Variants in UNC13A observed in about 807,000 individuals in gnomAD.
UNC13A encodes unc-13 homolog A.
Under a neutral mutation model 219.7 loss-of-function variants are expected in UNC13A, and 61 were observed. The observed-to-expected ratio is 0.28, with a 90% CI of 0.23 to 0.34. The LOEUF (loss-of-function observed/expected upper bound fraction) is 0.34. Among genes scored for constraint, UNC13A ranks in the 10% least tolerant of loss-of-function variants. The pLI is 1.00. For synonymous variants in UNC13A, 920 were observed against 884.6 expected (o/e 1.04, Z -0.71); for missense variants, 1,476 against 2,270.3 (o/e 0.65, Z 7.11).
At chr19:17,669,813 GTCCTTCCT>G (rs1160784311) in intron 4 of UNC13A, 137 bp from the exon 5 acceptor site, 1 of 1,037,494 alleles carries the variant, frequency 9.6e-7, no homozygotes, top group Non-Finnish European at 1.3e-6. Flanking sequence ...CTTTCCTTCC[GTCCTTCCT>G]TCCTTCCCTT....
Position 17,647,365 on chromosome 19 carries a change from G to C in UNC13A, c.1944C>G (p.Ile648Met). The change falls in exon 17 of 44, where the codon ATC becomes ATG. Residue 648 changes from isoleucine to methionine, a missense_variant. Physicochemically the swap from Ile to Met is conservative, Grantham distance 10. Around this residue, in one of 14 missense-constraint regions of UNC13A, gnomAD observed 34 missense variants for 38.7 expected, o/e 0.88. Coordinates refer to ENST00000519716, the MANE Select transcript of UNC13A (RefSeq NM_001080421.3). ...KPEIFELIQE[I>M]FAVTKTAHTQ... ...TGTGCGCCGTCTTGGTCACCGCGAA[G>C]ATCTCCTGGATGAGCTCGAAGATCT... 1 of 1,613,668 alleles carries C rather than the reference G, an allele frequency of 6.2e-7. No individual in the cohort carries two copies.
intron 8 of UNC13A, among the ~76,000 whole-genome samples, chr19:17,663,239 C>T (rs1485687239): frequency 6.6e-6 from 1 of 151,920 alleles, no homozygotes; most frequent in Non-Finnish European, 1.5e-5. Flanking sequence ...GTCACAGTGC[C>T]CAGCTGGAGA....
At chr19:17,611,921 T>G (rs1323279181) in intron 41 of UNC13A, 66 bp from the exon 42 acceptor site, 1 of 1,422,950 alleles carries the variant, frequency 7.0e-7, no homozygotes, top group Non-Finnish European at 9.9e-7. Context: ...GGAGGGACCT[T>G]GACGGCCTCC....
At chr19:17,616,347 A>G (rs2076662640) in intron 41 of UNC13A, 2 of 675,280 alleles carry the variant, frequency 3.0e-6, no homozygotes, top group South Asian at 1.6e-5. Context: ...AGCCGGGGCC[A>G]GGAGGGGCGC....
intron 34 of UNC13A, 177 bp downstream of exon 34, chr19:17,626,456 C>T (rs2144984707): frequency 8.1e-6 from 5 of 618,934 alleles, no homozygotes; most frequent in Middle Eastern, 4.6e-4. Flanking sequence ...CCAATCCTTC[C>T]AATTATTTAC....
chr19:17,635,522 C>T (rs2076904405), intron 26 of UNC13A, among the ~76,000 whole-genome samples: 1 of 152,100 alleles, frequency 6.6e-6, no homozygotes, highest in Non-Finnish European at 1.5e-5. Context: ...TATTCATACA[C>T]AATACACAAT....
At chr19:17,626,316 C>T (rs62119952) in intron 34 of UNC13A, 29,506 of 259,308 alleles carry the variant, frequency 0.11, 2,005 homozygotes, top group Middle Eastern at 0.17. Flanking sequence ...ACCCATCCAT[C>T]TTTTTAAAAC....
At position 17,642,938 on chromosome 19, in the gene UNC13A, G is replaced by C. The variant is rs149871276; in HGVS notation, c.2379C>G (p.Ala793=). 2 of 1,608,664 alleles carry C rather than the reference G, an allele frequency of 1.2e-6. No individual in the cohort carries two copies. The highest frequency in any genetic ancestry group is 1.7e-5 in the Admixed American group (1 of 59,190). Residue 793 remains alanine (A), a synonymous_variant, in exon 20 of 44, where the codon GCC becomes GCG. Transcript: ENST00000519716. The stretch of plus-strand genomic sequence containing the variant: ...TGTGGAGCCGGATGGCACCCGACAC[G>C]GCAGATTTGTCAGTTCGCTTGTCTG... ...YNLDKRTDKS[A]VSGAIRLHIS... is the part of the protein sequence containing the mutation.
intron 34 of UNC13A, 181 bp downstream of exon 34, chr19:17,626,452 C>T: frequency 1.7e-6 from 1 of 597,922 alleles, no homozygotes; most frequent in Non-Finnish European, 2.8e-6. Flanking sequence ...CTCACCAATC[C>T]TTCCAATTAT....
chr19:17,606,425 A>G (rs918548239), intron 43 of UNC13A, 71 bp from the exon 44 acceptor site: 2 of 1,504,174 alleles, frequency 1.3e-6, no homozygotes, highest in Non-Finnish European at 8.9e-7. Context: ...CCCCGTCCCC[A>G]CCGCATTTGC....
intron 31 of UNC13A, among the ~76,000 whole-genome samples, chr19:17,629,028 CACTT>C (rs1248163617): frequency 6.6e-6 from 1 of 152,088 alleles, no homozygotes; most frequent in East Asian, 1.9e-4. Flanking sequence ...CAGACACATG[CACTT>C]ACTTCCCATA....
rs566439793 is a variant in UNC13A, at chr19:17,616,344, G to A, written c.4558+1358C>T. On this transcript the variant is annotated intron_variant, in intron 41 of 43. Transcript: ENST00000519716. ...AAGGACGATCCTTTTACTAGCCGGGGCCAGGAGGGGCGCAGGCACCGGGCA... is the reference window on the plus strand; with the variant it reads ...AAGGACGATCCTTTTACTAGCCGGGACCAGGAGGGGCGCAGGCACCGGGCA... The A allele has an allele frequency of 2.3e-4, 155 of 677,272 alleles. No individual in the cohort carries two copies. The African/African-American group carries it at 2.4e-3, about 11-fold the overall frequency. 42.0% of individuals were successfully genotyped at this position (677,272 alleles called of 1,614,324 possible).
intron 12 of UNC13A, among the ~76,000 whole-genome samples, chr19:17,650,676 C>T (rs73526099): frequency 0.16 from 23,643 of 151,592 alleles, 2,757 homozygotes; most frequent in African/African-American, 0.33. Context: ...CAAGCTTTCA[C>T]CATGTTGGCC....
chr19:17,630,607 AC>A (rs756508746), intron 29 of UNC13A, 46 bp downstream of exon 29: 1 of 1,596,544 alleles, frequency 6.3e-7, no homozygotes, highest in South Asian at 1.1e-5. Context: ...ACCTAAATTG[AC>A]CCCAGTGGGA....
intron 8 of UNC13A, among the ~76,000 whole-genome samples, chr19:17,662,789 G>A (rs111849886): frequency 0.011 from 1,687 of 152,082 alleles, 30 homozygotes; most frequent in African/African-American, 0.038. Context: ...GCGTGTTGGC[G>A]GACGCCTTTA....
At chr19:17,624,122 C>CTTTTTTT (rs762349924) in intron 35 of UNC13A, among the ~76,000 whole-genome samples, 4 of 136,464 alleles carry the variant, frequency 2.9e-5, no homozygotes, top group Non-Finnish European at 4.7e-5. Context: ...TATGCCTTCT[C>CTTTTTTT]TTTTTTTTTT....
rs1363090455 is a variant in UNC13A, at chr19:17,610,062, G to A, written c.4689C>T (p.Gly1563=). The change falls in exon 43 of 44, where the codon GGC becomes GGT. Residue 1563 remains glycine (G), a synonymous_variant. Transcript: ENST00000519716. ...TGACCTCGATGAACGGCCGGAAGAT[G>A]CCAGAAGTCTGCCACTTGAGGTCAT... ...AANDLKWQTS[G]IFRPFIEVNI... The A allele has an allele frequency of 4.3e-6, 7 of 1,614,032 alleles. No homozygotes were observed. The South Asian group carries it at 4.4e-5, about 10-fold the overall frequency.
chr19:17,627,729 A>C lies in UNC13A; in HGVS notation c.3832-132T>G, dbSNP rs1305720101. 2 of 1,266,754 alleles carry C rather than the reference A, an allele frequency of 1.6e-6. No homozygotes were observed. Among genetic ancestry groups the C allele is most frequent in the Non-Finnish European group, 2.2e-6 (2 of 900,766 alleles). 78.5% of individuals were successfully genotyped at this position (1,266,754 alleles called of 1,614,324 possible). A position where few individuals can be genotyped will look rare whatever the true frequency, so the allele number is the denominator to read the frequency against. On this transcript the variant is annotated intron_variant, in intron 32 of 43. Transcript: ENST00000519716. The surrounding 1 kb of genome is among the most constrained non-coding windows in gnomAD (Gnocchi z 4.7). ...ACTGAGGCACAGACCGTTATGCTGC[A>C]AGCCTGGGTTTAAGGCCATGGTTGA... is the stretch of plus-strand genomic sequence containing the variant.
rs1214883529 is a variant in UNC13A at position 17,602,079 on chromosome 19, G to C, written c.*3975C>G. On this transcript the variant is annotated 3_prime_UTR_variant, in exon 44 of 44. Coordinates refer to ENST00000519716, the MANE Select transcript of UNC13A (RefSeq NM_001080421.3). ...CCAAGGATTTCTAGTTGGGTGTTTA[G>C]TTTTTTGCATCTCTGATGGGGGCAT... 6.6e-6 allele frequency: 1 copy of C among 152,520 alleles called. No individual in the cohort carries two copies. The highest frequency in any genetic ancestry group is 1.5e-5 in the Non-Finnish European group (1 of 68,058). 9.4% of individuals were successfully genotyped at this position (152,520 alleles called of 1,614,324 possible). A position where few individuals can be genotyped will look rare whatever the true frequency, so the allele number is the denominator to read the frequency against.
Sources: allele counts gnomAD v4.1 joint callset (sites outside exome capture counted in the v4.1 genomes callset), GRCh38; gene constraint gnomAD v4.1.1; regional missense constraint gnomAD v4.1.1; non-coding constraint Gnocchi (gnomAD v3.1); transcripts MANE v1.5; gene names NCBI Gene and HGNC (gene_info 2026-07-23, HGNC 2026-07-21).